Variants in MSRB3 observed in about 807,000 individuals in gnomAD.
The protein encoded by MSRB3 is methionine-R-sulfoxide reductase B3.
A neutral mutation model predicts 21.0 loss-of-function variants in MSRB3; 13 were observed. That is an observed-to-expected ratio of 0.62 (90% CI 0.40 to 0.98). The LOEUF is 0.98. Among genes scored for constraint, MSRB3 ranks in the 50% least tolerant of loss-of-function variants. The pLI is 0.00. For synonymous variants in MSRB3, 87 were observed against 88.6 expected (o/e 0.98, Z 0.10); for missense variants, 199 against 230.3 (o/e 0.86, Z 0.88).
intron 5 of MSRB3, among the ~76,000 whole-genome samples, chr12:65,390,264 A>T (rs1476433460): frequency 6.6e-6 from 1 of 152,062 alleles, no homozygotes; most frequent in Non-Finnish European, 1.5e-5. Context: ...AATCAAACAA[A>T]ACCCCAAACG....
chr12:65,427,782 G>A (rs1214611703), intron 5 of MSRB3, among the ~76,000 whole-genome samples: 5 of 152,244 alleles, frequency 3.3e-5, no homozygotes, highest in Non-Finnish European at 7.3e-5. Flanking sequence ...TGTAGTTACA[G>A]TGGTTTTGGA....
intron 1 of MSRB3, among the ~76,000 whole-genome samples, chr12:65,303,373 C>T (rs981532993): frequency 7.9e-5 from 12 of 151,942 alleles, no homozygotes; most frequent in Non-Finnish European, 1.5e-4. Context: ...TTAGAATTCA[C>T]GGGGGAGATG....
intron 5 of MSRB3, among the ~76,000 whole-genome samples, chr12:65,434,456 C>T (rs796577074): frequency 2.1e-4 from 32 of 151,984 alleles, no homozygotes; most frequent in African/African-American, 7.2e-4. Context: ...GAACTATCAC[C>T]AAGTAAGTTT....
chr12:65,367,543 G>A (rs1878080050), intron 4 of MSRB3, among the ~76,000 whole-genome samples: 1 of 152,350 alleles, frequency 6.6e-6, no homozygotes, highest in East Asian at 1.9e-4. Context: ...TTTAGGTGTT[G>A]TGGCTACAGA....
At chr12:65,296,942 T>A (rs979077948) in intron 1 of MSRB3, among the ~76,000 whole-genome samples, 6 of 152,272 alleles carry the variant, frequency 3.9e-5, no homozygotes, top group South Asian at 2.1e-4. Context: ...TCTAAATGTA[T>A]CATAAATATA....
chr12:65,313,371 T>C (rs1874098991), intron 2 of MSRB3, among the ~76,000 whole-genome samples: 1 of 152,150 alleles, frequency 6.6e-6, no homozygotes, highest in Non-Finnish European at 1.5e-5. Context: ...CAGTGTGCTG[T>C]TCACTTACTG....
intron 4 of MSRB3, among the ~76,000 whole-genome samples, chr12:65,334,962 A>G (rs1424839825): frequency 6.6e-6 from 1 of 152,194 alleles, no homozygotes; most frequent in Non-Finnish European, 1.5e-5. Flanking sequence ...ATTGATGCCA[A>G]CTGACACGAA....
At chr12:65,386,479 C>A (rs1038674744) in intron 5 of MSRB3, among the ~76,000 whole-genome samples, 14 of 151,856 alleles carry the variant, frequency 9.2e-5, no homozygotes, top group Admixed American at 6.6e-4. Context: ...GTTTATAACT[C>A]ATTTTCTAAA....
chr12:65,351,676 T>G (rs1286622913), intron 4 of MSRB3, among the ~76,000 whole-genome samples: 1 of 149,330 alleles, frequency 6.7e-6, no homozygotes, highest in Non-Finnish European at 1.5e-5. Flanking sequence ...CAGAGAATAC[T>G]ACAAACACCT....
intron 1 of MSRB3, among the ~76,000 whole-genome samples, chr12:65,306,175 A>G (rs1016118800): frequency 1.3e-5 from 2 of 152,232 alleles, no homozygotes; most frequent in African/African-American, 2.4e-5. Context: ...TCATGCAAAT[A>G]TATGTATTTT....
intron 6 of MSRB3, 176 bp downstream of exon 6, chr12:65,454,001 AAGGT>A: frequency 1.4e-6 from 1 of 699,604 alleles, no homozygotes; most frequent in Non-Finnish European, 2.6e-6. Flanking sequence ...GTGGAATGTT[AAGGT>A]CGGCATGATA....
At chr12:65,336,019 T>C (rs1875741960) in intron 4 of MSRB3, among the ~76,000 whole-genome samples, 1 of 152,194 alleles carries the variant, frequency 6.6e-6, no homozygotes, top group Non-Finnish European at 1.5e-5. Flanking sequence ...GTAAGTAATA[T>C]ATTATTTTGA....
intron 5 of MSRB3, among the ~76,000 whole-genome samples, chr12:65,374,399 C>T (rs78996860): frequency 0.018 from 2,735 of 152,258 alleles, 92 homozygotes; most frequent in African/African-American, 0.063. Flanking sequence ...TTCCTTCTGT[C>T]ATGGAATCTT....
intron 4 of MSRB3, among the ~76,000 whole-genome samples, chr12:65,338,527 A>G (rs543079849): frequency 3.3e-5 from 5 of 152,336 alleles, no homozygotes; most frequent in South Asian, 4.1e-4. Flanking sequence ...GTCTATGGCT[A>G]GGACCTTTAA....
intron 5 of MSRB3, among the ~76,000 whole-genome samples, chr12:65,370,837 T>A (rs1268930387): frequency 6.6e-6 from 1 of 152,220 alleles, no homozygotes. Flanking sequence ...TAAAGGGGAA[T>A]ACTGATTAAA....
intron 5 of MSRB3, among the ~76,000 whole-genome samples, chr12:65,403,951 C>T (rs1880272175): frequency 6.6e-6 from 1 of 152,182 alleles, no homozygotes; most frequent in East Asian, 1.9e-4. Context: ...TCTAACCAGT[C>T]CCAGTGAGAT....
intron 5 of MSRB3, among the ~76,000 whole-genome samples, chr12:65,383,906 G>A (rs1445728170): frequency 6.6e-6 from 1 of 152,096 alleles, no homozygotes; most frequent in Non-Finnish European, 1.5e-5. Context: ...TGATCCACCC[G>A]CCTCGGCCTC....
chr12:65,401,533 A>G (rs554084415), intron 5 of MSRB3, among the ~76,000 whole-genome samples: 3 of 152,194 alleles, frequency 2.0e-5, no homozygotes, highest in Non-Finnish European at 2.9e-5. Flanking sequence ...TCCTGAATAC[A>G]GCACACTGAT....
intron 6 of MSRB3, 165 bp downstream of exon 6, chr12:65,453,990 A>G (rs1278065391): frequency 1.4e-6 from 1 of 708,684 alleles, no homozygotes; most frequent in African/African-American, 1.7e-5. Flanking sequence ...TAGCAAGTCT[A>G]GTGGAATGTT....
Sources: allele counts gnomAD v4.1 joint callset (sites outside exome capture counted in the v4.1 genomes callset), GRCh38; gene constraint gnomAD v4.1.1; transcripts MANE v1.5; gene names NCBI Gene and HGNC (gene_info 2026-07-23, HGNC 2026-07-21).